The following ST6GALNAC3 variants were observed in gnomAD, a reference collection of about 807,000 sequenced individuals.
ST6GALNAC3 encodes alpha-N-acetylgalactosaminide alpha-2,6-sialyltransferase 3.
Under a neutral mutation model 32.7 loss-of-function variants are expected in ST6GALNAC3, and 25 were observed. That is an observed-to-expected ratio of 0.76 (90% CI 0.56 to 1.07). ST6GALNAC3 has a LOEUF of 1.07. Among genes scored for constraint, ST6GALNAC3 ranks in the 50% least tolerant of loss-of-function variants. The pLI is 0.00. For synonymous variants in ST6GALNAC3, 129 were observed against 133.1 expected (o/e 0.97, Z 0.21); for missense variants, 355 against 382.4 (o/e 0.93, Z 0.60).
chr1:76,224,243 C>T (rs1042574004), intron 1 of ST6GALNAC3, among the ~76,000 whole-genome samples: 3 of 152,122 alleles, frequency 2.0e-5, no homozygotes, highest in African/African-American at 4.8e-5. Context: ...TTGTGAGGAA[C>T]AAAATGCTGC....
chr1:76,158,092 G>A (rs912082573), intron 1 of ST6GALNAC3, among the ~76,000 whole-genome samples: 4 of 152,176 alleles, frequency 2.6e-5, no homozygotes, highest in African/African-American at 9.7e-5. Context: ...ATTTTCACTA[G>A]GTTGTCAAAA....
intron 2 of ST6GALNAC3, among the ~76,000 whole-genome samples, chr1:76,327,496 A>G (rs1003801964): frequency 1.3e-5 from 2 of 152,166 alleles, no homozygotes; most frequent in African/African-American, 4.8e-5. Flanking sequence ...AAAGCTTTCA[A>G]CTGATTGGAT....
intron 3 of ST6GALNAC3, among the ~76,000 whole-genome samples, chr1:76,441,410 C>A (rs983209158): frequency 2.6e-5 from 4 of 152,002 alleles, no homozygotes; most frequent in Non-Finnish European, 2.9e-5. Flanking sequence ...CTTAAGCTAG[C>A]AGAGGAAGGA....
intron 1 of ST6GALNAC3, among the ~76,000 whole-genome samples, chr1:76,138,731 A>G (rs1474318413): frequency 2.0e-5 from 3 of 152,186 alleles, no homozygotes; most frequent in Non-Finnish European, 4.4e-5. Flanking sequence ...ACTTCAGTAG[A>G]GTGCCTTTTT....
chr1:76,574,541 C>T (rs534771761), intron 3 of ST6GALNAC3, among the ~76,000 whole-genome samples: 1 of 152,134 alleles, frequency 6.6e-6, no homozygotes, highest in South Asian at 2.1e-4. Context: ...CTTCCTGAAG[C>T]AGCCCATTCC....
At chr1:76,435,466 G>T (rs1319980679) in intron 3 of ST6GALNAC3, among the ~76,000 whole-genome samples, 1 of 152,092 alleles carries the variant, frequency 6.6e-6, no homozygotes, top group Non-Finnish European at 1.5e-5. Flanking sequence ...TAGAGCAAAG[G>T]TTAAAGAAAG....
At chr1:76,333,804 CA>C (rs1160274466) in intron 2 of ST6GALNAC3, among the ~76,000 whole-genome samples, 1 of 152,112 alleles carries the variant, frequency 6.6e-6, no homozygotes, top group Non-Finnish European at 1.5e-5. Context: ...ACATTGATTA[CA>C]GTAGCTAGTG....
intron 1 of ST6GALNAC3, among the ~76,000 whole-genome samples, chr1:76,270,696 G>A (rs11162106): frequency 2.0e-5 from 3 of 152,018 alleles, no homozygotes; most frequent in Admixed American, 2.0e-4. Context: ...TAATGACAGG[G>A]CCGGGAGAGG....
At chr1:76,304,914 A>C (rs568341872) in intron 1 of ST6GALNAC3, among the ~76,000 whole-genome samples, 1 of 152,122 alleles carries the variant, frequency 6.6e-6, no homozygotes, top group African/African-American at 2.4e-5. Flanking sequence ...TAGAGTGAAA[A>C]GATGACAAGC....
chr1:76,316,474 G>A (rs1307196840), intron 2 of ST6GALNAC3, among the ~76,000 whole-genome samples: 1 of 152,028 alleles, frequency 6.6e-6, no homozygotes, highest in Non-Finnish European at 1.5e-5. Context: ...AAGTATATGT[G>A]ACCACATGGA....
chr1:76,482,299 T>C (rs1380361123), intron 3 of ST6GALNAC3, among the ~76,000 whole-genome samples: 1 of 152,160 alleles, frequency 6.6e-6, no homozygotes, highest in Non-Finnish European at 1.5e-5. Context: ...GCTTCTGAGT[T>C]GTTAACAATA....
intron 3 of ST6GALNAC3, among the ~76,000 whole-genome samples, chr1:76,614,005 T>G (rs1034852390): frequency 1.3e-5 from 2 of 152,204 alleles, no homozygotes; most frequent in Non-Finnish European, 2.9e-5. Context: ...ACATCATCGT[T>G]GAGAAAACAT....
chr1:76,549,430 A>C (rs1392986030), intron 3 of ST6GALNAC3, among the ~76,000 whole-genome samples: 1 of 151,426 alleles, frequency 6.6e-6, no homozygotes, highest in East Asian at 1.9e-4. Context: ...TCAAGCTGTT[A>C]TATAAATATT....
intron 3 of ST6GALNAC3, among the ~76,000 whole-genome samples, chr1:76,468,942 T>A (rs1016028639): frequency 6.6e-6 from 1 of 151,802 alleles, no homozygotes; most frequent in Admixed American, 6.6e-5. Context: ...AAATAATTTC[T>A]TTCCTTGGCC....
At chr1:76,268,146 T>A (rs778295813) in intron 1 of ST6GALNAC3, among the ~76,000 whole-genome samples, 2 of 152,218 alleles carry the variant, frequency 1.3e-5, no homozygotes, top group Non-Finnish European at 2.9e-5. Context: ...AGATAAGATA[T>A]TGAACTGAAG....
At chr1:76,483,346 G>C (rs1013310188) in intron 3 of ST6GALNAC3, among the ~76,000 whole-genome samples, 4 of 152,174 alleles carry the variant, frequency 2.6e-5, no homozygotes, top group African/African-American at 9.7e-5. Flanking sequence ...CACCAACAGT[G>C]TAAAAGTGTT....
intron 1 of ST6GALNAC3, among the ~76,000 whole-genome samples, chr1:76,272,654 G>A (rs2210832): frequency 0.28 from 42,724 of 152,030 alleles, 7,641 homozygotes; most frequent in Non-Finnish European, 0.39. Context: ...TAGCGTGATG[G>A]GTCCATTTTA....
chr1:76,368,839 C>A (rs1228250955), intron 2 of ST6GALNAC3, among the ~76,000 whole-genome samples: 10 of 152,008 alleles, frequency 6.6e-5, no homozygotes, highest in Admixed American at 6.6e-4. Flanking sequence ...CTGTGGAAAT[C>A]AATAGTTTTA....
intron 2 of ST6GALNAC3, among the ~76,000 whole-genome samples, chr1:76,335,006 C>A (rs977605630): frequency 4.6e-5 from 7 of 152,040 alleles, no homozygotes. Context: ...TAATATTAAA[C>A]CCTGAGATAA....
Sources: allele counts gnomAD v4.1 joint callset (sites outside exome capture counted in the v4.1 genomes callset), GRCh38; gene constraint gnomAD v4.1.1; transcripts MANE v1.5; gene names NCBI Gene and HGNC (gene_info 2026-07-23, HGNC 2026-07-21).